The following DDX4 variants were observed in gnomAD, a reference collection of about 807,000 sequenced individuals.
DDX4 encodes probable ATP-dependent RNA helicase DDX4.
A neutral mutation model predicts 100.0 loss-of-function variants in DDX4; 25 were observed. The observed-to-expected ratio is 0.25, with a 90% CI of 0.18 to 0.35. The LOEUF is 0.35. Among genes scored for constraint, DDX4 ranks in the 10% least tolerant of loss-of-function variants. The pLI, the probability that DDX4 is intolerant of heterozygous loss-of-function variation, is 1.00. For synonymous variants in DDX4, 259 were observed against 275.7 expected (o/e 0.94, Z 0.60); for missense variants, 635 against 882.4 (o/e 0.72, Z 3.55).
chr5:55,739,784 G>A (rs558909055), intron 2 of DDX4, among the ~76,000 whole-genome samples: 1 of 152,174 alleles, frequency 6.6e-6, no homozygotes, highest in African/African-American at 2.4e-5. Flanking sequence ...GCAATCTTTT[G>A]TCTTAGTTGA....
chr5:55,813,797 A>G, intron 19 of DDX4, 25 bp downstream of exon 19: 4 of 1,543,736 alleles, frequency 2.6e-6, no homozygotes, highest in Admixed American at 2.1e-5. Context: ...ATAATTACCT[A>G]TTAGGGGAAT....
chr5:55,785,907 G>GCA, intron 13 of DDX4, 36 bp downstream of exon 13: 1 of 1,493,270 alleles, frequency 6.7e-7, no homozygotes, highest in East Asian at 2.3e-5. Flanking sequence ...TAGCTATGTA[G>GCA]CACACTTTGC....
chr5:55,800,514 C>A (rs972315284), intron 18 of DDX4, among the ~76,000 whole-genome samples: 9 of 151,946 alleles, frequency 5.9e-5, no homozygotes, highest in Non-Finnish European at 1.3e-4. Context: ...TTAGTAAAGA[C>A]AGGGTTTCAC....
chr5:55,762,843 CAG>C (rs1304207305), intron 4 of DDX4, among the ~76,000 whole-genome samples: 1 of 152,096 alleles, frequency 6.6e-6, no homozygotes, highest in Non-Finnish European at 1.5e-5. Context: ...GACTTTCACA[CAG>C]GGCAGAGCGT....
Position 55,805,802 on chromosome 5 carries a change from C to A in DDX4, c.1615+7231C>A, listed in dbSNP as rs557168554. 3.5e-4 allele frequency among the ~76,000 whole-genome samples: 53 copies of A among 152,284 alleles called. No homozygotes were observed. The South Asian group carries it at 0.011, about 31-fold the overall frequency. Reference sequence around the variant, plus strand: ...AAAATTCTCTTTTTTTGTTGTATCTCTGCCCGGCTTTGGTATCAGGAAGAT... The same window carrying A: ...AAAATTCTCTTTTTTTGTTGTATCTATGCCCGGCTTTGGTATCAGGAAGAT... On this transcript the variant is annotated intron_variant, in intron 18 of 21. Transcript: ENST00000505374.
chr5:55,814,808 T>G, intron 19 of DDX4, 93 bp from the exon 20 acceptor site: 1 of 1,410,024 alleles, frequency 7.1e-7, no homozygotes, highest in Non-Finnish European at 9.6e-7. Context: ...CTATTCATAC[T>G]ATTATTAAAA....
At chr5:55,756,795 A>C (rs1396245883) in intron 3 of DDX4, among the ~76,000 whole-genome samples, 1 of 150,892 alleles carries the variant, frequency 6.6e-6, no homozygotes, top group Non-Finnish European at 1.5e-5. Context: ...CTTTTGGTTT[A>C]TTTTGGTGGA....
At chr5:55,760,864 A>G (rs2111783777) in intron 4 of DDX4, among the ~76,000 whole-genome samples, 1 of 152,338 alleles carries the variant, frequency 6.6e-6, no homozygotes, top group Non-Finnish European at 1.5e-5. Flanking sequence ...TTATAGTGCA[A>G]TAACATATTA....
At chr5:55,793,071 T>TGTG (rs757473435) in intron 17 of DDX4, among the ~76,000 whole-genome samples, 11,971 of 148,516 alleles carry the variant, frequency 0.081, 767 homozygotes, top group East Asian at 0.25. Context: ...TGTGTTGTTG[T>TGTG]TGTTGTTGCA....
At position 55,767,955 on chromosome 5, in the gene DDX4, T is replaced by A; in HGVS notation, c.394+15T>A. On this transcript the variant is annotated intron_variant, in intron 7 of 21. Coordinates refer to ENST00000505374, the MANE Select transcript of DDX4 (RefSeq NM_024415.3). Reference sequence around the variant, plus strand: ...CAAGAGAGGCGGTAAGGACCACATTTTGGAACAATTTGTACTTAACACAGA... The same window carrying A: ...CAAGAGAGGCGGTAAGGACCACATTATGGAACAATTTGTACTTAACACAGA... 1 of 1,611,584 alleles carries A rather than the reference T, an allele frequency of 6.2e-7. No individual in the cohort carries two copies. Among genetic ancestry groups the A allele is most frequent in the Non-Finnish European group, 8.5e-7 (1 of 1,177,734 alleles).
chr5:55,748,524 A>G (rs954806169), intron 3 of DDX4, among the ~76,000 whole-genome samples: 1 of 152,138 alleles, frequency 6.6e-6, no homozygotes, highest in Non-Finnish European at 1.5e-5. Flanking sequence ...CATTAGACCT[A>G]TGAATGTTTA....
intron 2 of DDX4, 131 bp from the exon 3 acceptor site, chr5:55,746,033 A>T (rs371618749): frequency 1.3e-5 from 9 of 679,304 alleles, no homozygotes; most frequent in Middle Eastern, 4.1e-4. Context: ...AGTGATTTAG[A>T]AAACCTTACA....
chr5:55,768,152 CA>C (rs1317203084), intron 7 of DDX4: 1 of 533,080 alleles, frequency 1.9e-6, no homozygotes, highest in African/African-American at 1.9e-5. Flanking sequence ...GTTTTTGGTT[CA>C]GGGGTTCATG....
chr5:55,796,102 C>T (rs748868744), intron 17 of DDX4, among the ~76,000 whole-genome samples: 10 of 152,158 alleles, frequency 6.6e-5, no homozygotes, highest in Non-Finnish European at 1.2e-4. Context: ...GAAAGAGAGC[C>T]AGAAGAGTCA....
chr5:55,800,462 T>C (rs1743227360), intron 18 of DDX4, among the ~76,000 whole-genome samples: 1 of 151,938 alleles, frequency 6.6e-6, no homozygotes, highest in African/African-American at 2.4e-5. Flanking sequence ...TAGCTGGGAC[T>C]AGAGGCACGT....
chr5:55,785,483 G>C lies in DDX4; in HGVS notation c.710G>C (p.Ser237Thr). The C allele has an allele frequency of 6.2e-7, 1 of 1,604,910 alleles. No homozygotes were observed. Among genetic ancestry groups the C allele is most frequent in the Non-Finnish European group, 8.5e-7 (1 of 1,173,542 alleles). ...TCAGAAGCAGAAGGAGGAGAAAGTAGTGATACTCAAGGTATATTAACATTT... is the reference window on the plus strand; with the variant it reads ...TCAGAAGCAGAAGGAGGAGAAAGTACTGATACTCAAGGTATATTAACATTT... ...WKSEAEGGES[S>T]DTQGPKVTYI... is the part of the protein sequence containing the mutation. The change falls in exon 12 of 22, where the codon AGT becomes ACT. Residue 237 changes from serine (S) to threonine (T), a missense_variant. By Grantham distance (58) the Ser-to-Thr change is moderately conservative (BLOSUM62 1). Coordinates refer to ENST00000505374, the MANE Select transcript of DDX4 (RefSeq NM_024415.3).
At chr5:55,774,429 G>T (rs1316226761) in intron 7 of DDX4, among the ~76,000 whole-genome samples, 1 of 152,146 alleles carries the variant, frequency 6.6e-6, no homozygotes, top group Non-Finnish European at 1.5e-5. Context: ...TCGGATTACA[G>T]GTGTGAGCCA....
At chr5:55,745,964 G>A (rs1368480738) in intron 2 of DDX4, among the ~76,000 whole-genome samples, 200 bp from the exon 3 acceptor site, 1 of 152,086 alleles carries the variant, frequency 6.6e-6, no homozygotes, top group Non-Finnish European at 1.5e-5. Context: ...ATATATATTA[G>A]TACTATATAT....
At chr5:55,798,223 G>A (rs371734976) in intron 17 of DDX4, among the ~76,000 whole-genome samples, 2 of 151,962 alleles carry the variant, frequency 1.3e-5, no homozygotes, top group Admixed American at 6.6e-5. Context: ...TTTTTTTCTA[G>A]TAGTTATGTA....
Sources: allele counts gnomAD v4.1 joint callset (sites outside exome capture counted in the v4.1 genomes callset), GRCh38; gene constraint gnomAD v4.1.1; transcripts MANE v1.5; gene names NCBI Gene and HGNC (gene_info 2026-07-23, HGNC 2026-07-21).